FBXL20: variants seen among roughly 807,000 people sequenced by gnomAD.
The protein encoded by FBXL20 is F-box and leucine rich repeat protein 20.
A neutral mutation model predicts 64.0 loss-of-function variants in FBXL20; 11 were observed. That is an observed-to-expected ratio of 0.17 (90% CI 0.11 to 0.28). The LOEUF (loss-of-function observed/expected upper bound fraction) is 0.28, where lower values mean the gene tolerates loss of function less well. FBXL20 is among the 10% of genes least tolerant of loss of function. The pLI, the probability that FBXL20 is intolerant of heterozygous loss-of-function variation, is 1.00. For missense variants in FBXL20, 303 were observed against 526.2 expected (o/e 0.58, Z 4.15); for synonymous variants, 184 against 189.0 (o/e 0.97, Z 0.22).
chr17:39,373,366 G>C (rs1265088744), intron 1 of FBXL20, among the ~76,000 whole-genome samples: 1 of 152,146 alleles, frequency 6.6e-6, no homozygotes, highest in Non-Finnish European at 1.5e-5. Context: ...CATTTCTTCA[G>C]GGCCAGGCTC....
At chr17:39,310,776 A>G (rs550044096) in intron 2 of FBXL20, among the ~76,000 whole-genome samples, 1 of 152,316 alleles carries the variant, frequency 6.6e-6, no homozygotes, top group South Asian at 2.1e-4. Context: ...ACTTGAGGTC[A>G]GGAGCTCAAG....
In FBXL20 at chr17:39,259,903, G is replaced by C. The variant is rs981233621; in HGVS notation, c.*1557C>G. The C allele has an allele frequency of 6.7e-6, 1 of 150,056 alleles. No homozygotes were observed. Among genetic ancestry groups the C allele is most frequent in the African/African-American group, 2.5e-5 (1 of 40,574 alleles). The allele number at this position is 150,056 out of a possible 1,614,324, so 9.3% of individuals were successfully genotyped here. ...GTAGGCTGAGGCAAGAGAATCGCTT[G>C]AGCCTGGGAAGTGGAGGTTGCGGTG... On this transcript the variant is annotated 3_prime_UTR_variant, in exon 15 of 15. Transcript: ENST00000264658.
chr17:39,370,191 T>TAA (rs147101583), intron 1 of FBXL20, among the ~76,000 whole-genome samples: 10 of 141,578 alleles, frequency 7.1e-5, no homozygotes, highest in Non-Finnish European at 1.1e-4. Context: ...GAGGATGGTT[T>TAA]AAAAAAAAAA....
At position 39,258,035 on chromosome 17, in the gene FBXL20, C is replaced by T. The variant is rs1482216641; in HGVS notation, c.*3425G>A. On this transcript the variant is annotated 3_prime_UTR_variant, in exon 15 of 15. Coordinates refer to ENST00000264658, the MANE Select transcript of FBXL20 (RefSeq NM_032875.3). Reference sequence around the variant, plus strand: ...TTTCTCCAGAGACACTACAGTAATTCCTCCTTGCCCACCTGTAGGTTTACG... The same window carrying T: ...TTTCTCCAGAGACACTACAGTAATTTCTCCTTGCCCACCTGTAGGTTTACG... 1 of 152,260 alleles carries T rather than the reference C, an allele frequency of 6.6e-6. No individual in the cohort carries two copies. Among genetic ancestry groups the T allele is most frequent in the Non-Finnish European group, 1.5e-5 (1 of 68,022 alleles). The allele number at this position is 152,260 out of a possible 1,614,324, so 9.4% of individuals were successfully genotyped here. A position where few individuals can be genotyped will look rare whatever the true frequency, so the allele number is the denominator to read the frequency against.
chr17:39,295,437 G>C (rs1466574218), intron 6 of FBXL20, among the ~76,000 whole-genome samples: 6 of 151,968 alleles, frequency 3.9e-5, no homozygotes, highest in Non-Finnish European at 4.4e-5. Context: ...TTTGCTTTTA[G>C]TAGAGATGGG....
chr17:39,329,110 A>AG (rs945602745), intron 2 of FBXL20, among the ~76,000 whole-genome samples: 2 of 152,190 alleles, frequency 1.3e-5, no homozygotes, highest in African/African-American at 4.8e-5. Context: ...CTTTAAACAA[A>AG]GGGAAAAAAA....
At chr17:39,300,326 C>CA (rs2047122835) in intron 4 of FBXL20, among the ~76,000 whole-genome samples, 2 of 152,186 alleles carry the variant, frequency 1.3e-5, no homozygotes, top group South Asian at 4.1e-4. Flanking sequence ...CACGTGCCCT[C>CA]AAAAAACCTC....
At chr17:39,291,945 T>C (rs1362547997) in intron 6 of FBXL20, among the ~76,000 whole-genome samples, 1 of 140,036 alleles carries the variant, frequency 7.1e-6, no homozygotes, top group Non-Finnish European at 1.5e-5. Context: ...TGTTATTAAT[T>C]TCTACTTTAA....
At chr17:39,384,585 A>G (rs2048059036) in intron 1 of FBXL20, among the ~76,000 whole-genome samples, 1 of 152,036 alleles carries the variant, frequency 6.6e-6, no homozygotes, top group South Asian at 2.1e-4. Flanking sequence ...ATTAAAACTT[A>G]TTTCTAAAGG....
upstream of FBXL20, chr17:39,401,703 C>A (rs1055460231): frequency 1.7e-5 from 18 of 1,073,122 alleles, no homozygotes; most frequent in African/African-American, 2.9e-4. Context: ...CAGAGCCGCC[C>A]GGGCCTCGGA....
chr17:39,280,357 G>A (rs534298047), intron 9 of FBXL20, among the ~76,000 whole-genome samples: 13 of 145,380 alleles, frequency 8.9e-5, no homozygotes, highest in African/African-American at 3.3e-4. Context: ...AGCCGAGATA[G>A]CGTCACTGCA....
intron 9 of FBXL20, among the ~76,000 whole-genome samples, chr17:39,278,094 TAG>T (rs1230321401): frequency 1.3e-4 from 20 of 152,192 alleles, no homozygotes; most frequent in African/African-American, 4.6e-4. Context: ...TGTGTATGTA[TAG>T]AGTGTGTAAA....
At chr17:39,344,574 T>A (rs975314800) in intron 1 of FBXL20, among the ~76,000 whole-genome samples, 1 of 151,426 alleles carries the variant, frequency 6.6e-6, no homozygotes, top group Non-Finnish European at 1.5e-5. Flanking sequence ...TCACCTGAGG[T>A]GAGGAGTTCG....
intron 1 of FBXL20, among the ~76,000 whole-genome samples, chr17:39,366,496 T>C (rs1174780110): frequency 6.6e-6 from 1 of 152,206 alleles, no homozygotes; most frequent in African/African-American, 2.4e-5. Flanking sequence ...TATTGCATTG[T>C]TTCCAGTACC....
At chr17:39,391,475 G>A (rs2048133105) in intron 1 of FBXL20, among the ~76,000 whole-genome samples, 1 of 151,894 alleles carries the variant, frequency 6.6e-6, no homozygotes, top group African/African-American at 2.4e-5. Flanking sequence ...TAGGTCCAGA[G>A]ACGTAACTTA....
intron 2 of FBXL20, among the ~76,000 whole-genome samples, chr17:39,330,396 A>C (rs1597801362): frequency 6.6e-6 from 1 of 150,412 alleles, no homozygotes; most frequent in African/African-American, 2.4e-5. Flanking sequence ...GGCGGATCAC[A>C]TGAGGTCAGG....
chr17:39,370,776 C>G (rs1273169691), intron 1 of FBXL20, among the ~76,000 whole-genome samples: 1 of 142,222 alleles, frequency 7.0e-6, no homozygotes, highest in South Asian at 2.2e-4. Flanking sequence ...GCCTGGGCGA[C>G]AGAGCGAGAC....
intron 5 of FBXL20, chr17:39,297,601 T>C (rs1483206099): frequency 6.3e-6 from 1 of 159,068 alleles, no homozygotes; most frequent in Non-Finnish European, 1.4e-5. Flanking sequence ...GCCAGGAAGG[T>C]AGTACACCCC....
At chr17:39,374,404 C>T (rs748643853) in intron 1 of FBXL20, among the ~76,000 whole-genome samples, 3 of 151,170 alleles carry the variant, frequency 2.0e-5, no homozygotes, top group African/African-American at 4.9e-5. Context: ...GGCCTGATGG[C>T]GGGTACCTGT....
Sources: allele counts gnomAD v4.1 joint callset (sites outside exome capture counted in the v4.1 genomes callset), GRCh38; gene constraint gnomAD v4.1.1; transcripts MANE v1.5; gene names NCBI Gene and HGNC (gene_info 2026-07-23, HGNC 2026-07-21).